The following MAGI2 variants were observed in gnomAD, a reference collection of about 807,000 sequenced individuals.
MAGI2 encodes membrane associated guanylate kinase, WW and PDZ domain containing 2, also known as membrane-associated guanylate kinase, WW and PDZ domain-containing protein 2.
MAGI2 carries 35 observed loss-of-function variants against 133.3 expected under a neutral mutation model. That is an observed-to-expected ratio of 0.26 (90% CI 0.20 to 0.35). The LOEUF (loss-of-function observed/expected upper bound fraction) is 0.35, where lower values mean the gene tolerates loss of function less well. Ranked by LOEUF, MAGI2 falls within the 10% of genes least tolerant of loss-of-function variation. The pLI, the probability that MAGI2 is intolerant of heterozygous loss-of-function variation, is 1.00. For missense variants in MAGI2, 1,636 were observed against 1,863.4 expected, an observed-to-expected ratio of 0.88 and a Z score of 2.25; for synonymous variants, 729 against 710.6, an observed-to-expected ratio of 1.03 and a Z score of -0.41.
At chr7:78,159,300 C>A (rs1824724188) in intron 16 of MAGI2, among the ~76,000 whole-genome samples, 1 of 152,318 alleles carries the variant, frequency 6.6e-6, no homozygotes, top group Middle Eastern at 3.4e-3. Context: ...GTTTAAATGG[C>A]CTTCTGACTA....
intron 9 of MAGI2, among the ~76,000 whole-genome samples, chr7:78,296,983 A>G (rs1797315129): frequency 1.3e-5 from 2 of 152,204 alleles, no homozygotes; most frequent in Admixed American, 1.3e-4. Flanking sequence ...ACAAAACACT[A>G]TGAAACTAGG....
At chr7:78,922,139 T>TTCTC (rs1799287515) in intron 2 of MAGI2, among the ~76,000 whole-genome samples, 1 of 138,370 alleles carries the variant, frequency 7.2e-6, no homozygotes, top group African/African-American at 2.8e-5. Context: ...CTTTCTTTCT[T>TTCTC]TCTTTCTTTA....
intron 3 of MAGI2, among the ~76,000 whole-genome samples, chr7:78,581,128 C>G (rs1802791415): frequency 6.6e-6 from 1 of 152,120 alleles, no homozygotes; most frequent in African/African-American, 2.4e-5. Context: ...TCAGTATTAG[C>G]TTACAACACT....
At chr7:78,114,947 C>G (rs75757527) in intron 20 of MAGI2, among the ~76,000 whole-genome samples, 3 of 152,230 alleles carry the variant, frequency 2.0e-5, no homozygotes, top group Admixed American at 1.3e-4. Flanking sequence ...AGCTCTAAAG[C>G]TGGAAGTGGT....
chr7:78,172,148 G>C (rs970744323), intron 14 of MAGI2, among the ~76,000 whole-genome samples: 6 of 152,016 alleles, frequency 3.9e-5, no homozygotes, highest in African/African-American at 1.4e-4. Flanking sequence ...AGTAAGTCAG[G>C]GGAAAAACTC....
Position 79,272,360 on chromosome 7 carries a change from A to T in MAGI2, c.301+180660T>A, listed in dbSNP as rs562535653. On this transcript the variant is annotated intron_variant, in intron 1 of 21. Coordinates refer to ENST00000354212, the MANE Select transcript of MAGI2 (RefSeq NM_012301.4). ...ATATTTTATGTATATCTCTATTAGG[A>T]TTCCATTACAAGCTTCAGCTTGCGA... is the stretch of plus-strand genomic sequence containing the variant. Among the ~76,000 whole-genome samples, 699 of 152,214 alleles carry T rather than the reference A, an allele frequency of 4.6e-3. 7 individuals carry two copies. The highest frequency in any genetic ancestry group is 0.016 in the African/African-American group (666 of 41,556).
chr7:78,632,864 A>G (rs1184728950), intron 2 of MAGI2, among the ~76,000 whole-genome samples: 1 of 152,234 alleles, frequency 6.6e-6, no homozygotes, highest in Non-Finnish European at 1.5e-5. Context: ...AAACAGAACT[A>G]CCATTCAACC....
At chr7:78,770,517 T>C (rs1825476121) in intron 2 of MAGI2, among the ~76,000 whole-genome samples, 2 of 152,236 alleles carry the variant, frequency 1.3e-5, no homozygotes, top group Non-Finnish European at 2.9e-5. Context: ...CACAATAACC[T>C]AATCATGCAT....
chr7:78,708,758 G>T (rs551643479), intron 2 of MAGI2, among the ~76,000 whole-genome samples: 1 of 151,982 alleles, frequency 6.6e-6, no homozygotes, highest in South Asian at 2.1e-4. Context: ...TTTAAGATAG[G>T]TATCAATAAC....
intron 20 of MAGI2, among the ~76,000 whole-genome samples, chr7:78,083,522 T>C (rs1256549490): frequency 6.6e-6 from 1 of 151,976 alleles, no homozygotes; most frequent in South Asian, 2.1e-4. Context: ...AAATGCCAAA[T>C]TTAGGAAACT....
intron 1 of MAGI2, among the ~76,000 whole-genome samples, chr7:79,448,566 A>G (rs866033785): frequency 6.6e-6 from 1 of 152,120 alleles, no homozygotes; most frequent in South Asian, 2.1e-4. Context: ...TATCTTGTAC[A>G]TATAGCTAGC....
At chr7:78,451,883 G>A (rs569258886) in intron 6 of MAGI2, among the ~76,000 whole-genome samples, 1 of 152,174 alleles carries the variant, frequency 6.6e-6, no homozygotes, top group South Asian at 2.1e-4. Context: ...CCTTTCTGGA[G>A]GATATCATTA....
chr7:78,935,681 T>C (rs549148122), intron 2 of MAGI2, among the ~76,000 whole-genome samples: 1 of 152,196 alleles, frequency 6.6e-6, no homozygotes, highest in South Asian at 2.1e-4. Flanking sequence ...AGATTATTCA[T>C]GGGATCGTTA....
At chr7:78,967,419 A>G (rs1314952853) in intron 2 of MAGI2, among the ~76,000 whole-genome samples, 2 of 151,816 alleles carry the variant, frequency 1.3e-5, no homozygotes, top group Non-Finnish European at 2.9e-5. Context: ...TATTGTGTCA[A>G]TTGTTCCCTT....
intron 5 of MAGI2, among the ~76,000 whole-genome samples, chr7:78,496,742 A>AG (rs1267189883): frequency 6.6e-6 from 1 of 152,176 alleles, no homozygotes; most frequent in Non-Finnish European, 1.5e-5. Context: ...GACACTTTAT[A>AG]GGGTGGTGAT....
At chr7:78,998,882 G>A (rs1806576732) in intron 2 of MAGI2, among the ~76,000 whole-genome samples, 1 of 152,096 alleles carries the variant, frequency 6.6e-6, no homozygotes, top group Non-Finnish European at 1.5e-5. Context: ...AATGTGCAGT[G>A]GTGTACAGTA....
intron 2 of MAGI2, among the ~76,000 whole-genome samples, chr7:79,003,105 C>A (rs1807060614): frequency 6.6e-6 from 1 of 151,912 alleles, no homozygotes. Flanking sequence ...AATCAGCAAG[C>A]AGCAGGAAAC....
chr7:78,120,869 C>T (rs1446904295), intron 20 of MAGI2, among the ~76,000 whole-genome samples: 5 of 149,376 alleles, frequency 3.3e-5, no homozygotes, highest in Admixed American at 2.0e-4. Flanking sequence ...GGCGTAGTGG[C>T]GGGCGCCTGT....
At chr7:79,020,673 G>A (rs912707094) in intron 1 of MAGI2, among the ~76,000 whole-genome samples, 1 of 151,322 alleles carries the variant, frequency 6.6e-6, no homozygotes, top group African/African-American at 2.4e-5. Flanking sequence ...GACTGAGGCA[G>A]GAGAATGGCA....
Sources: allele counts gnomAD v4.1 joint callset (sites outside exome capture counted in the v4.1 genomes callset), GRCh38; gene constraint gnomAD v4.1.1; transcripts MANE v1.5; gene names NCBI Gene and HGNC (gene_info 2026-07-23, HGNC 2026-07-21).